BTBD9: variants seen among roughly 807,000 people sequenced by gnomAD.
BTBD9 encodes the protein BTB/POZ domain-containing protein 9.
A neutral mutation model predicts 64.3 loss-of-function variants in BTBD9; 49 were observed. The observed-to-expected ratio is 0.76, with a 90% CI of 0.61 to 0.97. The LOEUF is 0.97. Among genes scored for constraint, BTBD9 ranks in the 50% least tolerant of loss-of-function variants. BTBD9 has a pLI of 0.00. For missense variants in BTBD9, 598 were observed against 762.1 expected (o/e 0.78, Z 2.53); for synonymous variants, 260 against 274.7 (o/e 0.95, Z 0.53).
intron 6 of BTBD9, among the ~76,000 whole-genome samples, chr6:38,383,899 TAGA>T (rs1766045152): frequency 6.6e-6 from 1 of 152,168 alleles, no homozygotes; most frequent in African/African-American, 2.4e-5. Flanking sequence ...TGATTTTGGA[TAGA>T]ATTTTGCCCA....
intron 6 of BTBD9, among the ~76,000 whole-genome samples, chr6:38,541,198 T>A (rs1019497330): frequency 3.9e-5 from 6 of 152,176 alleles, no homozygotes; most frequent in Non-Finnish European, 8.8e-5. Context: ...ATAAAAAGCA[T>A]GAAAAAAATG....
intron 6 of BTBD9, among the ~76,000 whole-genome samples, chr6:38,387,612 T>C (rs1376693006): frequency 6.6e-6 from 1 of 152,064 alleles, no homozygotes; most frequent in East Asian, 1.9e-4. Context: ...GCATCATGTA[T>C]CTAATATGCA....
chr6:38,357,538 G>A (rs1306645765), intron 6 of BTBD9, among the ~76,000 whole-genome samples: 2 of 152,142 alleles, frequency 1.3e-5, no homozygotes, highest in African/African-American at 4.8e-5. Context: ...TTTTTCACAA[G>A]AACAAAATGG....
intron 8 of BTBD9, among the ~76,000 whole-genome samples, chr6:38,268,515 C>T (rs1301763740): frequency 6.6e-6 from 1 of 152,216 alleles, no homozygotes; most frequent in Non-Finnish European, 1.5e-5. Flanking sequence ...GATGTTCCAG[C>T]AGGGATGAAC....
intron 6 of BTBD9, among the ~76,000 whole-genome samples, chr6:38,532,181 G>A (rs895625364): frequency 6.6e-6 from 1 of 152,188 alleles, no homozygotes; most frequent in Non-Finnish European, 1.5e-5. Context: ...ATGGTGCCCT[G>A]TCATAGCAGA....
intron 8 of BTBD9, among the ~76,000 whole-genome samples, chr6:38,276,225 C>T (rs974911713): frequency 1.3e-5 from 2 of 151,926 alleles, no homozygotes; most frequent in Non-Finnish European, 2.9e-5. Context: ...TGGAAATCAT[C>T]ATTCTCAGCA....
chr6:38,365,461 G>T (rs1765148043), intron 6 of BTBD9, among the ~76,000 whole-genome samples: 1 of 152,158 alleles, frequency 6.6e-6, no homozygotes, highest in African/African-American at 2.4e-5. Context: ...GAAGGTACAG[G>T]CTGGATGTGG....
At chr6:38,259,211 C>T (rs1347422334) in intron 8 of BTBD9, among the ~76,000 whole-genome samples, 1 of 152,202 alleles carries the variant, frequency 6.6e-6, no homozygotes, top group African/African-American at 2.4e-5. Flanking sequence ...TCTCAGTTTA[C>T]ATATCTGGTT....
intron 6 of BTBD9, among the ~76,000 whole-genome samples, chr6:38,417,800 G>GAGAGAGAGAGAGAGAGAGA (rs1554149297): frequency 7.0e-6 from 1 of 142,932 alleles, no homozygotes; most frequent in African/African-American, 2.7e-5. Context: ...GAGAGAGAGA[G>GAGAGAGAGAGAGAGAGAGA]AAAAAAAATA....
chr6:38,597,471 A>G (rs1195588197), intron 2 of BTBD9, among the ~76,000 whole-genome samples: 1 of 152,198 alleles, frequency 6.6e-6, no homozygotes, highest in African/African-American at 2.4e-5. Context: ...AGCTGCATAC[A>G]AGTGCACGTC....
Position 38,577,772 on chromosome 6 carries a change from C to A in BTBD9, c.1035-53G>T, listed in dbSNP as rs1434140956. ...AAAATTACCACATTAAAAAACAATA[C>A]AAAGCTGTACTTTAATAAAGTGTTA... On this transcript the variant is annotated intron_variant, in intron 5 of 10. Coordinates refer to ENST00000481247, the MANE Select transcript of BTBD9 (RefSeq NM_001099272.2). 4.7e-6 allele frequency: 7 copies of A among 1,499,384 alleles called. No individual in the cohort carries two copies. The African/African-American group carries it at 7.0e-5, about 15-fold the overall frequency. The allele number at this position is 1,499,384 out of a possible 1,614,324, so 92.9% of individuals were successfully genotyped here.
At position 38,580,367 on chromosome 6, in the gene BTBD9, T is replaced by G. The variant is rs1233137134; in HGVS notation, c.885A>C (p.Leu295Phe). ...QVVKGELKSA[L>F]LDGDTQNYDL... Reference sequence around the variant, plus strand: ...CATAATTTTGAGTATCACCATCTAATAAGGCTGATTTCAGCTCCCCCTTTA... The same window carrying G: ...CATAATTTTGAGTATCACCATCTAAGAAGGCTGATTTCAGCTCCCCCTTTA... Residue 295 changes from leucine (L) to phenylalanine (F), a missense_variant, in exon 5 of 11, where the codon TTA becomes TTC. Coordinates refer to ENST00000481247, the MANE Select transcript of BTBD9 (RefSeq NM_001099272.2). The G allele has an allele frequency of 1.2e-6, 2 of 1,614,244 alleles. No homozygotes were observed. The highest frequency in any genetic ancestry group is 1.7e-6 in the Non-Finnish European group (2 of 1,180,040).
At position 38,169,886 on chromosome 6, in the gene BTBD9, T is replaced by C. The variant is rs934825505; in HGVS notation, c.*5099A>G. 3 of 107,340 alleles carry C rather than the reference T, an allele frequency of 2.8e-5. No homozygotes were observed. The highest frequency in any genetic ancestry group is 9.2e-5 in the African/African-American group (3 of 32,538). 6.6% of individuals were successfully genotyped at this position (107,340 alleles called of 1,614,324 possible). A position where few individuals can be genotyped will look rare whatever the true frequency, so the allele number is the denominator to read the frequency against. ...TCAGGCCATGAGGCCTCTTGGGGAC[T>C]ATTTCAGTTCTTTAAAAAAAAGAAG... On this transcript the variant is annotated 3_prime_UTR_variant, in exon 11 of 11. Coordinates refer to ENST00000481247, the MANE Select transcript of BTBD9 (RefSeq NM_001099272.2).
chr6:38,487,599 G>GTC (rs1771512820), intron 6 of BTBD9, among the ~76,000 whole-genome samples: 1 of 109,558 alleles, frequency 9.1e-6, no homozygotes, highest in Non-Finnish European at 1.7e-5. Context: ...CAGCGAGAGA[G>GTC]AGAGAGAGAG....
intron 1 of BTBD9, among the ~76,000 whole-genome samples, chr6:38,628,569 G>A (rs549237658): frequency 3.3e-5 from 5 of 152,272 alleles, no homozygotes; most frequent in Admixed American, 6.5e-5. Context: ...AATAAACTCC[G>A]CAGTGTAGGG....
At chr6:38,429,252 C>T (rs1356259488) in intron 6 of BTBD9, among the ~76,000 whole-genome samples, 1 of 150,976 alleles carries the variant, frequency 6.6e-6, no homozygotes, top group African/African-American at 2.4e-5. Flanking sequence ...GTCAGGAGTT[C>T]AAGACCAGCC....
At chr6:38,329,948 C>T (rs1272980307) in intron 7 of BTBD9, among the ~76,000 whole-genome samples, 1 of 151,612 alleles carries the variant, frequency 6.6e-6, no homozygotes, top group Non-Finnish European at 1.5e-5. Flanking sequence ...AGCAAAATTC[C>T]ATCTCAAAAA....
chr6:38,193,535 T>A (rs931106654), intron 9 of BTBD9, among the ~76,000 whole-genome samples: 1 of 152,222 alleles, frequency 6.6e-6, no homozygotes, highest in Admixed American at 6.5e-5. Context: ...GGCCAGCTCA[T>A]TTAAGACTCA....
intron 9 of BTBD9, among the ~76,000 whole-genome samples, chr6:38,210,673 T>C (rs982904202): frequency 1.3e-5 from 2 of 152,098 alleles, no homozygotes; most frequent in East Asian, 1.9e-4. Flanking sequence ...TGGCATTTCT[T>C]TCTTACAAGG....
Sources: gnomAD v4.1 joint callset for allele counts (sites outside exome capture counted in the v4.1 genomes callset) on GRCh38, gnomAD v4.1.1 for gene constraint, MANE v1.5 for transcripts, NCBI Gene and HGNC (gene_info 2026-07-23, HGNC 2026-07-21) for gene names.